The following ANTXR1 variants were observed in gnomAD, a reference collection of about 807,000 sequenced individuals.
The protein encoded by ANTXR1 is ANTXR cell adhesion molecule 1, also known as anthrax toxin receptor 1.
Under a neutral mutation model 78.1 loss-of-function variants are expected in ANTXR1, and 19 were observed. The ratio of observed to expected loss-of-function variants is 0.24; its 90% CI spans 0.17 to 0.36. The LOEUF (loss-of-function observed/expected upper bound fraction) is 0.36, where lower values mean the gene tolerates loss of function less well. Among genes scored for constraint, ANTXR1 ranks in the 10% least tolerant of loss-of-function variants. The pLI, the probability that ANTXR1 is intolerant of heterozygous loss-of-function variation, is 1.00. For missense variants in ANTXR1, 518 were observed against 718.6 expected (o/e 0.72, Z 3.19); for synonymous variants, 273 against 260.5 (o/e 1.05, Z -0.46).
At chr2:69,071,939 A>C (rs1573840530) in intron 5 of ANTXR1, 152 bp downstream of exon 5, 3 of 777,328 alleles carry the variant, frequency 3.9e-6, no homozygotes, top group Non-Finnish European at 6.4e-6. Context: ...CAAGGAATGC[A>C]TAGAAAGGTG....
chr2:69,088,440 CA>C (rs1039929357), intron 8 of ANTXR1, among the ~76,000 whole-genome samples: 40 of 152,168 alleles, frequency 2.6e-4, no homozygotes, highest in African/African-American at 9.7e-4. Flanking sequence ...CATCAAAAAA[CA>C]GCTTTGTGTT....
chr2:69,024,472 G>A (rs1205418126), intron 1 of ANTXR1, among the ~76,000 whole-genome samples: 1 of 152,192 alleles, frequency 6.6e-6, no homozygotes. Context: ...GTCTGGGCAA[G>A]AGAAGAAATT....
At position 69,246,464 on chromosome 2, in the gene ANTXR1, T is replaced by G. The variant is rs1269977114; in HGVS notation, c.*979T>G. On this transcript the variant is annotated 3_prime_UTR_variant, in exon 18 of 18. Coordinates refer to ENST00000303714, the MANE Select transcript of ANTXR1 (RefSeq NM_032208.3). ...AGGACCTATCACACAATATCACTAGTTTTTTTTGTTTGTTTGTTTTTTGTT... is the reference window on the plus strand; with the variant it reads ...AGGACCTATCACACAATATCACTAGGTTTTTTTGTTTGTTTGTTTTTTGTT... 1.3e-5 allele frequency: 2 copies of G among 151,008 alleles called. No individual in the cohort carries two copies. The highest frequency in any genetic ancestry group is 5.0e-5 in the African/African-American group (2 of 40,392). 9.4% of individuals were successfully genotyped at this position (151,008 alleles called of 1,614,324 possible).
intron 13 of ANTXR1, among the ~76,000 whole-genome samples, chr2:69,169,255 G>A (rs10188804): frequency 0.55 from 84,209 of 152,216 alleles, 26,176 homozygotes; most frequent in East Asian, 0.9. Context: ...GGCATCAAGA[G>A]ATAGGGAATG....
In ANTXR1 at chr2:69,152,195, C is replaced by A. The variant is rs138571613; in HGVS notation, c.978C>A (p.Ala326=). 2.5e-6 allele frequency: 4 copies of A among 1,614,038 alleles called. No homozygotes were observed. The highest frequency in any genetic ancestry group is 2.7e-5 in the African/African-American group (2 of 74,918). Residue 326 remains alanine (A), a synonymous_variant, in exon 13 of 18, where the codon GCC becomes GCA. Transcript: ENST00000303714. ...HCSDGSILAI[A]LLILFLLLAL... ...CTGACGGTTCCATCCTGGCCATCGC[C>A]CTGCTGATCCTGTTCCTGCTCCTAG... is the stretch of plus-strand genomic sequence containing the variant.
intron 3 of ANTXR1, 22 bp downstream of exon 3, chr2:69,044,835 G>T: frequency 2.5e-6 from 4 of 1,611,844 alleles, no homozygotes; most frequent in Non-Finnish European, 3.4e-6. Context: ...TCTTATCTCT[G>T]TTGTTAAAAA....
At chr2:69,017,105 C>T (rs183438044) in intron 1 of ANTXR1, among the ~76,000 whole-genome samples, 56 of 152,256 alleles carry the variant, frequency 3.7e-4, no homozygotes, top group African/African-American at 1.3e-3. Flanking sequence ...GAACTTGGTG[C>T]GGTAGTGCAC....
Position 69,184,063 on chromosome 2 carries a change from T to TCACACA in ANTXR1, c.1353+1418_1353+1423dup, listed in dbSNP as rs5831966. On this transcript the variant is annotated intron_variant, in intron 16 of 17. Transcript: ENST00000303714. ...TCACCATCCATACACATACACACACTCACACACACACACACACACAGCCTT... is the reference window on the plus strand; with the variant it reads ...TCACCATCCATACACATACACACACTCACACACACACACACACACACACACAGCCTT... 4.0e-5 allele frequency among the ~76,000 whole-genome samples: 6 copies of TCACACA among 149,938 alleles called. No homozygotes were observed. The East Asian group carries it at 5.9e-4, about 15-fold the overall frequency.
intron 1 of ANTXR1, among the ~76,000 whole-genome samples, chr2:69,034,338 T>A (rs1671613902): frequency 6.6e-6 from 1 of 152,054 alleles, no homozygotes; most frequent in African/African-American, 2.4e-5. Flanking sequence ...TGGTTTTGAG[T>A]GGACCCAAGA....
intron 14 of ANTXR1, 126 bp from the exon 15 acceptor site, chr2:69,181,660 G>A (rs1182536563): frequency 1.1e-6 from 1 of 904,668 alleles, no homozygotes; most frequent in Non-Finnish European, 1.8e-6. Flanking sequence ...CTAGGAAACA[G>A]TAGCACTGGG....
At chr2:69,242,216 G>C (rs1193928459) in intron 17 of ANTXR1, among the ~76,000 whole-genome samples, 2 of 152,056 alleles carry the variant, frequency 1.3e-5, no homozygotes, top group Non-Finnish European at 2.9e-5. Flanking sequence ...TGCTGCTCTG[G>C]CCAAGACACC....
chr2:69,096,305 G>GAAATCAA lies in ANTXR1; in HGVS notation c.703+5386_703+5387insAAATCAA. On this transcript the variant is annotated intron_variant, in intron 9 of 17. Transcript: ENST00000303714. ...GGAAGGAAGGGAGGAAGGGAGGAAG[G>GAAATCAA]GAGGAAGGGAGGAAGGGAGGAAGGG... Among the ~76,000 whole-genome samples, 2 of 3,742 alleles carry GAAATCAA rather than the reference G, an allele frequency of 5.3e-4. 1 individual carries two copies. Among genetic ancestry groups the GAAATCAA allele is most frequent in the African/African-American group, 6.6e-3 (2 of 304 alleles). The allele number at this position is 3,742 out of a possible 152,430, so 2.5% of individuals were successfully genotyped here.
At chr2:69,159,500 A>G (rs1040595049) in intron 13 of ANTXR1, among the ~76,000 whole-genome samples, 10 of 152,154 alleles carry the variant, frequency 6.6e-5, no homozygotes, top group Non-Finnish European at 1.0e-4. Context: ...AATTAAGATA[A>G]TAAGTTTTAT....
At chr2:69,223,810 A>G (rs1382575942) in intron 17 of ANTXR1, among the ~76,000 whole-genome samples, 2 of 152,256 alleles carry the variant, frequency 1.3e-5, no homozygotes, top group East Asian at 1.9e-4. Context: ...TTAAGGAAAT[A>G]TGAATTGCCT....
intron 6 of ANTXR1, among the ~76,000 whole-genome samples, chr2:69,074,368 T>C (rs969344926): frequency 1.3e-5 from 2 of 152,138 alleles, no homozygotes; most frequent in South Asian, 4.1e-4. Context: ...AAAACCCTAA[T>C]AAGGAAAGAA....
chr2:69,227,029 A>G (rs911050590), intron 17 of ANTXR1, among the ~76,000 whole-genome samples: 4 of 152,166 alleles, frequency 2.6e-5, no homozygotes, highest in African/African-American at 9.7e-5. Context: ...ATACTGGCTC[A>G]TGGTCTTATT....
intron 12 of ANTXR1, among the ~76,000 whole-genome samples, chr2:69,129,612 G>A (rs1412751513): frequency 6.6e-6 from 1 of 152,038 alleles, no homozygotes; most frequent in East Asian, 1.9e-4. Flanking sequence ...ATTAGCTGGT[G>A]TGGTGGCGTG....
intron 17 of ANTXR1, among the ~76,000 whole-genome samples, chr2:69,240,500 G>A (rs944441885): frequency 1.3e-5 from 2 of 152,212 alleles, no homozygotes; most frequent in African/African-American, 4.8e-5. Flanking sequence ...GCCAGTGGAG[G>A]TGTTTGGCTT....
chr2:69,230,398 T>C (rs572998604), intron 17 of ANTXR1, among the ~76,000 whole-genome samples: 16 of 152,024 alleles, frequency 1.1e-4, no homozygotes, highest in Non-Finnish European at 1.8e-4. Flanking sequence ...TACAGTTTCA[T>C]TCATTTGTAT....
Sources: allele counts gnomAD v4.1 joint callset (sites outside exome capture counted in the v4.1 genomes callset), GRCh38; gene constraint gnomAD v4.1.1; transcripts MANE v1.5; gene names NCBI Gene and HGNC (gene_info 2026-07-23, HGNC 2026-07-21).